CCNI: variants seen among roughly 807,000 people sequenced by gnomAD.
CCNI encodes the protein cyclin I, also known as cyclin-I.
Under a neutral mutation model 34.1 loss-of-function variants are expected in CCNI, and 14 were observed. The observed-to-expected ratio is 0.41, with a 90% CI of 0.27 to 0.64. The LOEUF (loss-of-function observed/expected upper bound fraction) is 0.64, where lower values mean the gene tolerates loss of function less well. Among genes scored for constraint, CCNI ranks in the 30% least tolerant of loss-of-function variants. The pLI is 0.31. For missense variants in CCNI, 385 were observed against 440.5 expected, an observed-to-expected ratio of 0.87 and a Z score of 1.13; for synonymous variants, 154 against 158.4, an observed-to-expected ratio of 0.97 and a Z score of 0.21.
chr4:77,075,284 C>T (rs4252768), intron 1 of CCNI, 188 bp downstream of exon 1: 3,575 of 152,522 alleles, frequency 0.023, 79 homozygotes, highest in East Asian at 0.14. Context: ...CTGTCTGGGC[C>T]GGAGAGGACG....
In CCNI at chr4:77,066,243, C is replaced by A; in HGVS notation, c.114+6G>T. The A allele has an allele frequency of 6.2e-7, 1 of 1,611,840 alleles. No homozygotes were observed. The highest frequency in any genetic ancestry group is 1.1e-5 in the South Asian group (1 of 91,020). ...AATTCATCTGTCTTAAGAGAAAAAT[C>A]ATTACCTGATTTGAAGGCATTTTCC... On this transcript the variant is annotated splice_donor_region_variant and intron_variant, in intron 2 of 6. Transcript: ENST00000237654.
chr4:77,056,585 A>G (rs1417323785), intron 3 of CCNI: 2 of 294,516 alleles, frequency 6.8e-6, no homozygotes, highest in East Asian at 1.2e-4. Flanking sequence ...TCTAGAGCTA[A>G]CTTTTTTTTT....
chr4:77,061,252 C>T (rs761828123), intron 2 of CCNI, among the ~76,000 whole-genome samples: 3 of 152,156 alleles, frequency 2.0e-5, no homozygotes, highest in Non-Finnish European at 4.4e-5. Flanking sequence ...ATGTACTAAA[C>T]AGTAATATCA....
chr4:77,058,881 C>T (rs980295909), intron 2 of CCNI, among the ~76,000 whole-genome samples: 1 of 152,038 alleles, frequency 6.6e-6, no homozygotes. Flanking sequence ...CACCAAATAT[C>T]CATAGTTGAA....
chr4:77,067,559 T>G (rs952801692), intron 1 of CCNI, among the ~76,000 whole-genome samples: 1 of 152,022 alleles, frequency 6.6e-6, no homozygotes. Flanking sequence ...AGTGGTGTAG[T>G]GGCTCACTGC....
chr4:77,051,029 C>T (rs563117836), intron 6 of CCNI, among the ~76,000 whole-genome samples: 9 of 152,276 alleles, frequency 5.9e-5, no homozygotes, highest in Non-Finnish European at 8.8e-5. Context: ...ATAACCCACT[C>T]GCATTGTCCT....
intron 4 of CCNI, 22 bp downstream of exon 4, chr4:77,056,227 T>TTA: frequency 6.2e-7 from 1 of 1,605,948 alleles, no homozygotes; most frequent in African/African-American, 1.3e-5. Context: ...GGAAGAAACA[T>TTA]TATCTTGAAA....
chr4:77,052,190 C>T (rs1036120220), intron 6 of CCNI, among the ~76,000 whole-genome samples: 2 of 150,624 alleles, frequency 1.3e-5, no homozygotes, highest in African/African-American at 2.4e-5. Flanking sequence ...CAACGTTTAG[C>T]TCCCACTTGT....
intron 1 of CCNI, 123 bp downstream of exon 1, chr4:77,075,349 G>C (rs1019932399): frequency 6.6e-5 from 14 of 211,168 alleles, no homozygotes; most frequent in Admixed American, 2.0e-4. Flanking sequence ...GTGGGTCTCC[G>C]GCGAGCAGCG....
At chr4:77,074,839 A>T (rs1044091677) in intron 1 of CCNI, 1 of 152,202 alleles carries the variant, frequency 6.6e-6, no homozygotes, top group Non-Finnish European at 1.5e-5. Flanking sequence ...AACTTCTGCC[A>T]AAAGGATCTG....
chr4:77,050,896 A>G (rs1727778535), intron 6 of CCNI, among the ~76,000 whole-genome samples: 1 of 152,086 alleles, frequency 6.6e-6, no homozygotes, highest in African/African-American at 2.4e-5. Flanking sequence ...TGTAGAAATT[A>G]TTTCTAAAAA....
chr4:77,067,183 GA>G (rs1204018802), intron 1 of CCNI, among the ~76,000 whole-genome samples: 17 of 151,882 alleles, frequency 1.1e-4, no homozygotes, highest in African/African-American at 3.4e-4. Flanking sequence ...AGTGAGCTGA[GA>G]TCACACCATT....
chr4:77,050,169 A>G (rs1727730022), intron 6 of CCNI, among the ~76,000 whole-genome samples: 1 of 152,088 alleles, frequency 6.6e-6, no homozygotes, highest in Non-Finnish European at 1.5e-5. Flanking sequence ...TCTTATTTCT[A>G]CCTGTTGAAA....
chr4:77,068,787 C>A (rs1383125385), intron 1 of CCNI, among the ~76,000 whole-genome samples: 1 of 146,846 alleles, frequency 6.8e-6, no homozygotes, highest in East Asian at 1.9e-4. Context: ...CAAACCACTT[C>A]TTTAATTTCC....
intron 1 of CCNI, among the ~76,000 whole-genome samples, chr4:77,069,660 T>A (rs1313156016): frequency 6.9e-6 from 1 of 145,538 alleles, no homozygotes; most frequent in Non-Finnish European, 1.5e-5. Context: ...TCATTTTTTT[T>A]ATTACTCACT....
At chr4:77,049,291 TCA>T (rs911025540) in intron 6 of CCNI, among the ~76,000 whole-genome samples, 23 of 152,124 alleles carry the variant, frequency 1.5e-4, no homozygotes, top group African/African-American at 5.3e-4. Context: ...TCAGGACAAT[TCA>T]CAGATATCAA....
In CCNI at chr4:77,048,175, A is replaced by G. The variant is rs758713352; in HGVS notation, c.*44T>C. ...TGATTTTGCATGTTCTCATTCCCAA[A>G]GTAGTCTACCTTAGTTTACACTCAA... On this transcript the variant is annotated 3_prime_UTR_variant, in exon 7 of 7. Coordinates refer to ENST00000237654, the MANE Select transcript of CCNI (RefSeq NM_006835.3). 1.4e-6 allele frequency: 2 copies of G among 1,481,024 alleles called. No individual in the cohort carries two copies. The highest frequency in any genetic ancestry group is 3.6e-5 in the Admixed American group (2 of 55,500). The allele number at this position is 1,481,024 out of a possible 1,614,324, so 91.7% of individuals were successfully genotyped here.
chr4:77,060,565 C>T (rs1433892205), intron 2 of CCNI, among the ~76,000 whole-genome samples: 1 of 151,954 alleles, frequency 6.6e-6, no homozygotes, highest in Non-Finnish European at 1.5e-5. Context: ...CCAAGTGATC[C>T]TCCCACCTCA....
chr4:77,059,240 T>C (rs368700054), intron 2 of CCNI, among the ~76,000 whole-genome samples: 1 of 152,020 alleles, frequency 6.6e-6, no homozygotes, highest in Non-Finnish European at 1.5e-5. Context: ...TATTGTTTTA[T>C]TGTTGTTGTA....
Sources: gnomAD v4.1 joint callset for allele counts (sites outside exome capture counted in the v4.1 genomes callset) on GRCh38, gnomAD v4.1.1 for gene constraint, MANE v1.5 for transcripts, NCBI Gene and HGNC (gene_info 2026-07-23, HGNC 2026-07-21) for gene names.